Variants in CASR observed in about 807,000 individuals in gnomAD.
The protein encoded by CASR is calcium sensing receptor.
Under a neutral mutation model 69.1 loss-of-function variants are expected in CASR, and 23 were observed. The observed-to-expected ratio is 0.33, with a 90% CI of 0.24 to 0.47. CASR has a LOEUF of 0.47. Among genes scored for constraint, CASR ranks in the 20% least tolerant of loss-of-function variants. CASR has a pLI of 1.00. For missense variants in CASR, 924 were observed against 1,356.1 expected (o/e 0.68, Z 5.00); for synonymous variants, 541 against 544.7 (o/e 0.99, Z 0.10).
chr3:122,194,523 G>T (rs937627), intron 1 of CASR, among the ~76,000 whole-genome samples: 30,741 of 151,892 alleles, frequency 0.2, 3,927 homozygotes, highest in Admixed American at 0.4. Context: ...AAAAAAATAG[G>T]CCAGGTTTCA....
rs191165880 is a variant in CASR at position 122,254,416 on chromosome 3, G to A, written c.185+42G>A. 1.9e-4 allele frequency: 300 copies of A among 1,589,488 alleles called. No individual in the cohort carries two copies. In the African/African-American group the frequency reaches 3.3e-3, roughly 18 times the overall value. On this transcript the variant is annotated intron_variant, in intron 2 of 6. Transcript: ENST00000639785. ...AATCTGCCAATCTCTTCTCTTCTGA[G>A]TGGTTGGAGAAAAGCTGCACCAAAC...
rs199730938 is a variant in CASR at position 122,254,181 on chromosome 3, G to A, written c.-9G>A. 93 of 1,612,140 alleles carry A rather than the reference G, an allele frequency of 5.8e-5. 1 individual carries two copies. Among genetic ancestry groups the A allele is most frequent in the South Asian group, 1.6e-4 (15 of 90,992 alleles). ...GTCTCATCCCTTGCCCTGGAGAGACGGCAGAACCATGGCATTTTATAGCTG... is the reference window on the plus strand; with the variant it reads ...GTCTCATCCCTTGCCCTGGAGAGACAGCAGAACCATGGCATTTTATAGCTG... On this transcript the variant is annotated 5_prime_UTR_variant, in exon 2 of 7. Coordinates refer to ENST00000639785, the MANE Select transcript of CASR (RefSeq NM_000388.4).
At chr3:122,251,349 G>C (rs2074481416) in intron 1 of CASR, among the ~76,000 whole-genome samples, 1 of 152,202 alleles carries the variant, frequency 6.6e-6, no homozygotes, top group Non-Finnish European at 1.5e-5. Flanking sequence ...CCTCACCTAA[G>C]GGTTCAGGGA....
chr3:122,247,065 T>C (rs1226706442), intron 1 of CASR: 1 of 152,172 alleles, frequency 6.6e-6, no homozygotes, highest in African/African-American at 2.4e-5. Flanking sequence ...CATTCAAAGA[T>C]ACACCTAAAC....
chr3:122,258,464 G>A (rs1229520639), intron 3 of CASR, among the ~76,000 whole-genome samples: 1 of 150,958 alleles, frequency 6.6e-6, no homozygotes, highest in African/African-American at 2.4e-5. Flanking sequence ...GGAATTAAAG[G>A]TGTTTCCCAT....
intron 1 of CASR, among the ~76,000 whole-genome samples, chr3:122,191,182 G>A (rs1035573574): frequency 6.6e-6 from 1 of 152,204 alleles, no homozygotes; most frequent in African/African-American, 2.4e-5. Flanking sequence ...TTTTGGAGAG[G>A]GGAGCAGTGG....
chr3:122,257,028 A>T, intron 2 of CASR, 53 bp from the exon 3 acceptor site: 1 of 1,510,944 alleles, frequency 6.6e-7, no homozygotes, highest in Non-Finnish European at 9.2e-7. Context: ...TCTTTACTCT[A>T]AAGTCGTTGA....
intron 1 of CASR, among the ~76,000 whole-genome samples, chr3:122,187,867 T>C (rs1576810313): frequency 6.6e-6 from 1 of 152,290 alleles, no homozygotes; most frequent in Admixed American, 6.5e-5. Context: ...GGCTAAAGTA[T>C]GCATGATGGG....
chr3:122,220,880 A>G (rs566463056), intron 1 of CASR, among the ~76,000 whole-genome samples: 1 of 152,292 alleles, frequency 6.6e-6, no homozygotes, highest in Non-Finnish European at 1.5e-5. Context: ...AGGCTGAGGC[A>G]GGAAAATCAC....
intron 1 of CASR, among the ~76,000 whole-genome samples, chr3:122,217,965 G>A (rs901965664): frequency 6.6e-6 from 1 of 151,964 alleles, no homozygotes; most frequent in East Asian, 1.9e-4. Flanking sequence ...GAGGTTGGGG[G>A]TTGTAGGAGA....
intron 1 of CASR, among the ~76,000 whole-genome samples, chr3:122,193,674 C>G (rs2073860220): frequency 6.6e-6 from 1 of 152,190 alleles, no homozygotes; most frequent in Non-Finnish European, 1.5e-5. Context: ...TACCTGCTCT[C>G]TAGTTAGCTT....
At chr3:122,267,519 T>A (rs2107637120) in intron 4 of CASR, among the ~76,000 whole-genome samples, 1 of 152,292 alleles carries the variant, frequency 6.6e-6, no homozygotes, top group South Asian at 2.1e-4. Context: ...GGTCACAAAA[T>A]GTCCTGCTAA....
chr3:122,202,151 C>T (rs1402190331), intron 1 of CASR, among the ~76,000 whole-genome samples: 1 of 152,246 alleles, frequency 6.6e-6, no homozygotes, highest in Non-Finnish European at 1.5e-5. Flanking sequence ...GTGAACCAGA[C>T]TCCGTCTGCA....
chr3:122,270,377 A>T (rs147898723), intron 4 of CASR, among the ~76,000 whole-genome samples: 87 of 152,302 alleles, frequency 5.7e-4, no homozygotes, highest in African/African-American at 1.9e-3. Flanking sequence ...TATTGTAAAT[A>T]TGCATCTTCT....
chr3:122,223,724 C>A (rs962208267), intron 1 of CASR, among the ~76,000 whole-genome samples: 1 of 152,064 alleles, frequency 6.6e-6, no homozygotes, highest in Admixed American at 6.5e-5. Context: ...CACAACCTGG[C>A]AAAGACACAA....
rs550739030 is a variant in CASR at position 122,288,224 on chromosome 3, G to C, written c.*3033G>C. 1 of 152,212 alleles carries C rather than the reference G, an allele frequency of 6.6e-6. No individual in the cohort carries two copies. The highest frequency in any genetic ancestry group is 2.4e-5 in the African/African-American group (1 of 41,430). 9.4% of individuals were successfully genotyped at this position (152,212 alleles called of 1,614,324 possible). A position where few individuals can be genotyped will look rare whatever the true frequency, so the allele number is the denominator to read the frequency against. ...CACCACTGGCCTGTACTGCCTTTGC[G>C]TAGGGAAGTGGACATGAGCTGAGGA... On this transcript the variant is annotated 3_prime_UTR_variant, in exon 7 of 7. Transcript: ENST00000639785.
chr3:122,251,687 T>G (rs2074485243), intron 1 of CASR, among the ~76,000 whole-genome samples: 2 of 152,202 alleles, frequency 1.3e-5, no homozygotes, highest in South Asian at 4.1e-4. Context: ...TCAGCAAGGT[T>G]GGAGTGTGAC....
At chr3:122,250,202 T>G (rs1005992507) in intron 1 of CASR, among the ~76,000 whole-genome samples, 99 of 151,756 alleles carry the variant, frequency 6.5e-4, no homozygotes, top group Non-Finnish European at 1.0e-3. Context: ...AGACTGGATG[T>G]TGGAGGACAG....
chr3:122,194,449 T>C (rs571025986), intron 1 of CASR, among the ~76,000 whole-genome samples: 1 of 151,820 alleles, frequency 6.6e-6, no homozygotes, highest in Admixed American at 6.6e-5. Flanking sequence ...TTCCTTCCTG[T>C]CCCCCTACCC....
Sources: gnomAD v4.1 joint callset for allele counts (sites outside exome capture counted in the v4.1 genomes callset) on GRCh38, gnomAD v4.1.1 for gene constraint, MANE v1.5 for transcripts, NCBI Gene and HGNC (gene_info 2026-07-23, HGNC 2026-07-21) for gene names.